The following GABRB2 variants were observed in gnomAD, a reference collection of about 807,000 sequenced individuals.
GABRB2 encodes the protein gamma-aminobutyric acid receptor subunit beta-2.
A neutral mutation model predicts 54.7 loss-of-function variants in GABRB2; 16 were observed. The observed-to-expected ratio is 0.29, with a 90% CI of 0.20 to 0.44. The LOEUF (loss-of-function observed/expected upper bound fraction) is 0.44. GABRB2 is among the 20% of genes least tolerant of loss of function. GABRB2 has a pLI of 1.00. For missense variants in GABRB2, 355 were observed against 644.0 expected (o/e 0.55, Z 4.86); for synonymous variants, 244 against 233.8 (o/e 1.04, Z -0.40).
chr5:161,449,100 C>T lies in GABRB2; in HGVS notation c.458+10524G>A, dbSNP rs147279263. On this transcript the variant is annotated intron_variant, in intron 4 of 9. Transcript: ENST00000393959. ...TCTCCATCCATCAACACTTTCAGTA[C>T]CTGCTTTCTCAAGAGTCTTTTGCAT... is the stretch of plus-strand genomic sequence containing the variant. Among the ~76,000 whole-genome samples, 210 of 152,218 alleles carry T rather than the reference C, an allele frequency of 1.4e-3. 1 individual carries two copies. The highest frequency in any genetic ancestry group is 4.6e-3 in the Admixed American group (71 of 15,284).
chr5:161,422,918 G>A (rs1161625593), intron 4 of GABRB2, among the ~76,000 whole-genome samples: 1 of 152,130 alleles, frequency 6.6e-6, no homozygotes. Context: ...ATAAAATGAT[G>A]TCTATACAAA....
At chr5:161,404,577 T>G (rs1439552825) in intron 5 of GABRB2, among the ~76,000 whole-genome samples, 1 of 152,084 alleles carries the variant, frequency 6.6e-6, no homozygotes, top group Non-Finnish European at 1.5e-5. Context: ...GTTTAGATTA[T>G]TCAGAAAGAC....
At chr5:161,402,421 G>A (rs972282986) in intron 5 of GABRB2, among the ~76,000 whole-genome samples, 10 of 151,924 alleles carry the variant, frequency 6.6e-5, no homozygotes, top group African/African-American at 2.4e-4. Flanking sequence ...TACCTTTCCC[G>A]CCCTACTCCA....
At chr5:161,321,645 T>C (rs928702177) in intron 9 of GABRB2, among the ~76,000 whole-genome samples, 1 of 152,156 alleles carries the variant, frequency 6.6e-6, no homozygotes, top group Non-Finnish European at 1.5e-5. Flanking sequence ...TCAATAGTAA[T>C]AACTTAGGTT....
chr5:161,515,459 A>G (rs1759911894), intron 3 of GABRB2, among the ~76,000 whole-genome samples: 2 of 152,228 alleles, frequency 1.3e-5, no homozygotes, highest in Admixed American at 6.6e-5. Flanking sequence ...ATTTTACTAG[A>G]GATTTTTCTG....
At chr5:161,462,376 C>T (rs1440443225) in intron 3 of GABRB2, among the ~76,000 whole-genome samples, 2 of 152,000 alleles carry the variant, frequency 1.3e-5, no homozygotes, top group Non-Finnish European at 2.9e-5. Flanking sequence ...TTGTGTGTGC[C>T]TATGTTACAA....
At chr5:161,510,200 C>A (rs1034253665) in intron 3 of GABRB2, among the ~76,000 whole-genome samples, 2 of 151,768 alleles carry the variant, frequency 1.3e-5, no homozygotes, top group Non-Finnish European at 2.9e-5. Flanking sequence ...ATTGTGCTAT[C>A]AAATAGTATG....
At chr5:161,359,658 A>C (rs73797585) in intron 5 of GABRB2, among the ~76,000 whole-genome samples, 2,275 of 152,346 alleles carry the variant, frequency 0.015, 56 homozygotes, top group African/African-American at 0.051. Flanking sequence ...ATACAATAAA[A>C]CTACAAATGA....
Position 161,546,307 on chromosome 5 carries a change from A to G in GABRB2, c.169+15T>C, listed in dbSNP as rs1760984891. ...TCGGCTGTGGCTGGACTTATTTGCA[A>G]GGCAACCCCATTACCTCCAAAATCT... On this transcript the variant is annotated intron_variant, in intron 2 of 9. Transcript: ENST00000393959. The G allele has an allele frequency of 6.2e-7, 1 of 1,609,736 alleles. No individual in the cohort carries two copies. Among genetic ancestry groups the G allele is most frequent in the East Asian group, 2.2e-5 (1 of 44,872 alleles).
chr5:161,516,223 T>C (rs1475190707), intron 3 of GABRB2, among the ~76,000 whole-genome samples: 2 of 152,210 alleles, frequency 1.3e-5, no homozygotes, highest in African/African-American at 2.4e-5. Flanking sequence ...TGGATACATA[T>C]ATTGACCATC....
chr5:161,415,649 T>C (rs1756642497), intron 4 of GABRB2, among the ~76,000 whole-genome samples: 1 of 152,132 alleles, frequency 6.6e-6, no homozygotes, highest in Admixed American at 6.5e-5. Flanking sequence ...GTTTTGCTCT[T>C]TTGCCCAGGC....
intron 3 of GABRB2, among the ~76,000 whole-genome samples, chr5:161,541,748 T>C (rs1760824306): frequency 6.6e-6 from 1 of 152,240 alleles, no homozygotes; most frequent in African/African-American, 2.4e-5. Context: ...ACTAGTTTGA[T>C]CTTCTATCAA....
At chr5:161,329,394 G>A (rs1753765848) in intron 8 of GABRB2, 1 of 151,912 alleles carries the variant, frequency 6.6e-6, no homozygotes, top group African/African-American at 2.4e-5. Flanking sequence ...TTGGGTGTGG[G>A]AAAGAATTTG....
intron 5 of GABRB2, among the ~76,000 whole-genome samples, chr5:161,392,210 G>C (rs1755846392): frequency 6.6e-6 from 1 of 152,130 alleles, no homozygotes; most frequent in Non-Finnish European, 1.5e-5. Flanking sequence ...AATTCTAAGG[G>C]AAGACAGAGC....
intron 3 of GABRB2, among the ~76,000 whole-genome samples, chr5:161,471,473 G>A (rs1758437104): frequency 6.6e-6 from 1 of 152,022 alleles, no homozygotes; most frequent in Non-Finnish European, 1.5e-5. Context: ...CTAATTGCTA[G>A]AGACACATTC....
intron 3 of GABRB2, among the ~76,000 whole-genome samples, chr5:161,492,794 C>T (rs1332503700): frequency 1.3e-5 from 2 of 151,710 alleles, no homozygotes; most frequent in Non-Finnish European, 3.0e-5. Flanking sequence ...ATGTTTAGCT[C>T]CACAGGCATT....
At chr5:161,347,432 T>A (rs1445218653) in intron 5 of GABRB2, among the ~76,000 whole-genome samples, 1 of 152,142 alleles carries the variant, frequency 6.6e-6, no homozygotes, top group African/African-American at 2.4e-5. Context: ...TACACTCTAC[T>A]TTGTAATGTG....
At chr5:161,358,580 C>G (rs1055879292) in intron 5 of GABRB2, among the ~76,000 whole-genome samples, 1 of 152,114 alleles carries the variant, frequency 6.6e-6, no homozygotes, top group Non-Finnish European at 1.5e-5. Context: ...CTGGCGCCAT[C>G]CCCTTGAGTG....
intron 5 of GABRB2, among the ~76,000 whole-genome samples, chr5:161,342,392 C>T (rs1754200572): frequency 6.6e-6 from 1 of 151,892 alleles, no homozygotes; most frequent in Non-Finnish European, 1.5e-5. Flanking sequence ...ATTAGTAAAA[C>T]TTGATTTCTG....
Sources: allele counts gnomAD v4.1 joint callset (sites outside exome capture counted in the v4.1 genomes callset), GRCh38; gene constraint gnomAD v4.1.1; transcripts MANE v1.5; gene names NCBI Gene and HGNC (gene_info 2026-07-23, HGNC 2026-07-21).